TMEM121: variants seen among roughly 807,000 people sequenced by gnomAD.
TMEM121 encodes transmembrane protein 121A.
TMEM121 carries 8 observed loss-of-function variants against 16.4 expected under a neutral mutation model. That is an observed-to-expected ratio of 0.49 (90% CI 0.29 to 0.88). TMEM121 has a LOEUF of 0.88. Ranked by LOEUF, TMEM121 falls within the 40% of genes least tolerant of loss-of-function variation. TMEM121 has a pLI of 0.09. For missense variants in TMEM121, 401 were observed against 462.0 expected (o/e 0.87, Z 1.21); for synonymous variants, 235 against 226.2 (o/e 1.04, Z -0.35).
rs1041848641 is a variant in TMEM121, at chr14:105,529,763, C to T, written c.929C>T (p.Ser310Phe). The stretch of plus-strand genomic sequence containing the variant: ...GGCCCGCCTGGGCGCCCCCACATGT[C>T]CTCGCCCACGCGTGACCCCCTGGAC... ...LHGPPGRPHM[S>F]SPTRDPLDT The change falls in exon 2 of 2, where the codon TCC (serine) becomes TTC (phenylalanine). Residue 310 changes from serine to phenylalanine, a missense_variant. By Grantham distance (155) the Ser-to-Phe change is radical (BLOSUM62 -2). Transcript: ENST00000392519. The T allele has an allele frequency of 2.0e-6, 3 of 1,490,802 alleles. No homozygotes were observed. The highest frequency in any genetic ancestry group is 2.7e-6 in the Non-Finnish European group (3 of 1,130,328). The allele number at this position is 1,490,802 out of a possible 1,614,324, so 92.3% of individuals were successfully genotyped here. A position where few individuals can be genotyped will look rare whatever the true frequency, so the allele number is the denominator to read the frequency against.
rs587611269 is a variant in TMEM121, at chr14:105,530,007, G to GT, written c.*214dup. 1.4e-3 allele frequency: 749 copies of GT among 533,574 alleles called. 3 individuals are homozygous for GT. The highest frequency in any genetic ancestry group is 5.1e-3 in the Middle Eastern group (10 of 1,952). The allele number at this position is 533,574 out of a possible 1,614,324, so 33.1% of individuals were successfully genotyped here. A position where few individuals can be genotyped will look rare whatever the true frequency, so the allele number is the denominator to read the frequency against. The stretch of plus-strand genomic sequence containing the variant: ...CCGCTCCACCAGCCCGCCCCAGCGC[G>GT]TGGGTCTGTTTGGGAGGCCTGGGCC... On this transcript the variant is annotated 3_prime_UTR_variant, in exon 2 of 2. Coordinates refer to ENST00000392519, the MANE Select transcript of TMEM121 (RefSeq NM_025268.4).
At chr14:105,528,692 C>A in intron 1 of TMEM121, 30 bp from the exon 2 acceptor site, 1 of 840,902 alleles carries the variant, frequency 1.2e-6, no homozygotes, top group Non-Finnish European at 1.5e-6. Flanking sequence ...CCAGCCCGCA[C>A]CCTGATCTTG....
rs782416609 is a variant in TMEM121 at position 105,529,086 on chromosome 14, C to T, written c.252C>T (p.Phe84=). 3.7e-6 allele frequency: 6 copies of T among 1,611,940 alleles called. No homozygotes were observed. Among genetic ancestry groups the T allele is most frequent in the Non-Finnish European group, 3.4e-6 (4 of 1,179,806 alleles). The stretch of plus-strand genomic sequence containing the variant: ...TGATCCTGTGGTTCCTTTACATCTT[C>T]GTGCTGGAGATCAAGCTCTACTTCA... ...YAMILWFLYI[F]VLEIKLYFIF... is the part of the protein sequence containing the mutation. Residue 84 remains phenylalanine (F), a synonymous_variant, in exon 2 of 2, where the codon TTC becomes TTT. Transcript: ENST00000392519.
At position 105,529,944 on chromosome 14, in the gene TMEM121, T is replaced by C; in HGVS notation, c.*150T>C. On this transcript the variant is annotated 3_prime_UTR_variant, in exon 2 of 2. Transcript: ENST00000392519. ...TGCCTGGGGTCCCGCGGCCGCTTCT[T>C]CATCTCAGGAATCTCTCGGACCGCG... 1 of 741,390 alleles carries C rather than the reference T, an allele frequency of 1.3e-6. No homozygotes were observed. The highest frequency in any genetic ancestry group is 4.2e-4 in the Middle Eastern group (1 of 2,376). 45.9% of individuals were successfully genotyped at this position (741,390 alleles called of 1,614,324 possible).
At chr14:105,528,142 G>C (rs2084604212) in intron 1 of TMEM121, among the ~76,000 whole-genome samples, 1 of 151,792 alleles carries the variant, frequency 6.6e-6, no homozygotes, top group Non-Finnish European at 1.5e-5. Flanking sequence ...GTGCAGGGAG[G>C]AGGGGCGTGG....
intron 1 of TMEM121, among the ~76,000 whole-genome samples, chr14:105,528,122 G>A (rs112197208): frequency 0.025 from 3,864 of 151,798 alleles, 257 homozygotes; most frequent in African/African-American, 0.09. Flanking sequence ...AGGGGAGACC[G>A]AGCCTGCCCG....
Position 105,528,855 on chromosome 14 carries a change from C to A in TMEM121, c.21C>A (p.Asp7Glu). Residue 7 changes from aspartate (D) to glutamate (E), a missense_variant, in exon 2 of 2, where the codon GAC (aspartate) becomes GAA (glutamate). Transcript: ENST00000392519. ...CGACCATGGTGCTGCCGCCCCCGGA[C>A]CGGCGCCACGTGTGCCTGACCACGC... MVLPPPDRRHVCLTTLV... is the reference protein window; with the variant it reads MVLPPPERRHVCLTTLV... The A allele has an allele frequency of 3.9e-6, 6 of 1,540,092 alleles. No individual in the cohort carries two copies. In the South Asian group the frequency reaches 6.0e-5, roughly 15 times the overall value.
chr14:105,528,822 C>A lies in TMEM121; in HGVS notation c.-13C>A. ...GGGCCGCGCGCGCCCAGGCCGGGGC[C>A]CGGCGGCCGACCATGGTGCTGCCGC... On this transcript the variant is annotated 5_prime_UTR_variant, in exon 2 of 2. Transcript: ENST00000392519. 1 of 1,471,534 alleles carries A rather than the reference C, an allele frequency of 6.8e-7. No homozygotes were observed. The highest frequency in any genetic ancestry group is 9.0e-7 in the Non-Finnish European group (1 of 1,114,160). 91.2% of individuals were successfully genotyped at this position (1,471,534 alleles called of 1,614,324 possible).
chr14:105,528,785 C>A lies in TMEM121; in HGVS notation c.-50C>A. ...GGCTGAGCGCCGCAGGGCCTCGTCC[C>A]GCCAGGCGTGGGGGCCGCGCGCGCC... On this transcript the variant is annotated 5_prime_UTR_variant, in exon 2 of 2. Transcript: ENST00000392519. 1 of 1,295,092 alleles carries A rather than the reference C, an allele frequency of 7.7e-7. No individual in the cohort carries two copies. The highest frequency in any genetic ancestry group is 9.7e-7 in the Non-Finnish European group (1 of 1,028,584). The allele number at this position is 1,295,092 out of a possible 1,614,324, so 80.2% of individuals were successfully genotyped here.
chr14:105,527,315 C>G (rs2084596503), intron 1 of TMEM121: 1 of 152,268 alleles, frequency 6.6e-6, no homozygotes, highest in Non-Finnish European at 1.5e-5. Context: ...GGCCCCGCCA[C>G]GCGCGGAGAG....
At chr14:105,527,671 G>A (rs1475663269) in intron 1 of TMEM121, among the ~76,000 whole-genome samples, 2 of 152,046 alleles carry the variant, frequency 1.3e-5, no homozygotes, top group Non-Finnish European at 2.9e-5. Flanking sequence ...GGCAGTCCGA[G>A]CGCCCGACTG....
In TMEM121 at chr14:105,528,746, G is replaced by A; in HGVS notation, c.-89G>A. The A allele has an allele frequency of 7.8e-6, 9 of 1,149,206 alleles. No homozygotes were observed. The highest frequency in any genetic ancestry group is 9.6e-6 in the Non-Finnish European group (9 of 933,164). 71.2% of individuals were successfully genotyped at this position (1,149,206 alleles called of 1,614,324 possible). The stretch of plus-strand genomic sequence containing the variant: ...GGTTTCGAGCTCGCCGGGCCGTGTC[G>A]CGCCATGCCCGCTGGCTGAGCGCCG... On this transcript the variant is annotated 5_prime_UTR_variant, in exon 2 of 2. Transcript: ENST00000392519.
At position 105,526,697 on chromosome 14, in the gene TMEM121, T is replaced by C. The variant is rs1186860945; in HGVS notation, c.-114+44T>C. ...GGGACTGGCTGGGTGCGCGGCTGCG[T>C]CCGCGGAGGGGGCGGCGGGCCTGGG... On this transcript the variant is annotated intron_variant, in intron 1 of 1. Transcript: ENST00000392519. The surrounding 1 kb of genome is among the most constrained non-coding windows in gnomAD (Gnocchi z 6.8). 4 of 128,352 alleles carry C rather than the reference T, an allele frequency of 3.1e-5. No individual in the cohort carries two copies. In the East Asian group the frequency reaches 1.1e-3, roughly 35 times the overall value. 8.0% of individuals were successfully genotyped at this position (128,352 alleles called of 1,614,324 possible).
At chr14:105,528,683 C>A in intron 1 of TMEM121, 39 bp from the exon 2 acceptor site, 1 of 765,120 alleles carries the variant, frequency 1.3e-6, no homozygotes, top group Non-Finnish European at 1.7e-6. Flanking sequence ...GAGGCCGCTC[C>A]AGCCCGCACC....
Position 105,528,917 on chromosome 14 carries a change from A to G in TMEM121, c.83A>G (p.Tyr28Cys), listed in dbSNP as rs1555444109. 6.3e-7 allele frequency: 1 copy of G among 1,585,428 alleles called. No homozygotes were observed. The highest frequency in any genetic ancestry group is 8.6e-7 in the Non-Finnish European group (1 of 1,166,288). The change falls in exon 2 of 2, where the codon TAC becomes TGC. Residue 28 changes from tyrosine (Y) to cysteine (C), a missense_variant. By Grantham distance (194) the Tyr-to-Cys change is radical. Transcript: ENST00000392519. ...IMGSMAVMDA[Y>C]LVEQNQGPRK... is the part of the protein sequence containing the mutation. ...GGCAGCATGGCCGTCATGGACGCGT[A>G]CCTGGTGGAGCAGAACCAGGGCCCG...
At position 105,529,926 on chromosome 14, in the gene TMEM121, G is replaced by C. The variant is rs2141833782; in HGVS notation, c.*132G>C. The C allele has an allele frequency of 2.2e-6, 2 of 912,538 alleles. No individual in the cohort carries two copies. Among genetic ancestry groups the C allele is most frequent in the South Asian group, 4.9e-5 (2 of 40,964 alleles). 56.5% of individuals were successfully genotyped at this position (912,538 alleles called of 1,614,324 possible). A position where few individuals can be genotyped will look rare whatever the true frequency, so the allele number is the denominator to read the frequency against. On this transcript the variant is annotated 3_prime_UTR_variant, in exon 2 of 2. Transcript: ENST00000392519. ...AGGTGCCTCGAGTGCCCGTGCCTGG[G>C]GTCCCGCGGCCGCTTCTTCATCTCA... is the stretch of plus-strand genomic sequence containing the variant.
chr14:105,528,858 GC>G lies in TMEM121; in HGVS notation c.25del (p.Arg9AlafsTer5). On this transcript the variant is annotated frameshift_variant, in exon 2 of 2. Coordinates refer to ENST00000392519, the MANE Select transcript of TMEM121 (RefSeq NM_025268.4). LOFTEE classifies it high-confidence loss of function. MVLPPPDR[R>X]HVCLTTLVIM... ...CCATGGTGCTGCCGCCCCCGGACCG[GC>G]GCCACGTGTGCCTGACCACGCTGGT... The G allele has an allele frequency of 6.5e-7, 1 of 1,541,464 alleles. No individual in the cohort carries two copies.
rs1555444330 is a variant in TMEM121, at chr14:105,529,671, A to T, written c.837A>T (p.Leu279=). ...TGCGCGACTTCCCGCCGCCTGCGCT[A>T]TCACTGGAGCTGCAGCCGCCACCCC... ...RQVRDFPPPA[L]SLELQPPPPQ... is the part of the protein sequence containing the mutation. The change falls in exon 2 of 2, where the codon CTA becomes CTT. Residue 279 remains leucine, a synonymous_variant. Transcript: ENST00000392519. 1 of 1,567,134 alleles carries T rather than the reference A, an allele frequency of 6.4e-7. No homozygotes were observed.
At position 105,529,365 on chromosome 14, in the gene TMEM121, G is replaced by A. The variant is rs1555444251; in HGVS notation, c.531G>A (p.Leu177=). ...AGCCGCCGCGCTCCGGGCTGCCGCT[G>A]TGGGCCGAGGGCCTCACCTTCTTCT... The part of the protein sequence containing the change: ...LWEPPRSGLP[L]WAEGLTFFYC... The change falls in exon 2 of 2, where the codon CTG becomes CTA. Residue 177 remains leucine, a synonymous_variant. Transcript: ENST00000392519. 1 of 1,541,376 alleles carries A rather than the reference G, an allele frequency of 6.5e-7. No homozygotes were observed. Among genetic ancestry groups the A allele is most frequent in the Non-Finnish European group, 8.7e-7 (1 of 1,146,632 alleles).
Sources: gnomAD v4.1 joint callset for allele counts (sites outside exome capture counted in the v4.1 genomes callset) on GRCh38, gnomAD v4.1.1 for gene constraint, Gnocchi (gnomAD v3.1) non-coding constraint, MANE v1.5 for transcripts, NCBI Gene and HGNC (gene_info 2026-07-23, HGNC 2026-07-21) for gene names.